Variants in BMP8B observed in about 807,000 individuals in gnomAD.
BMP8B encodes the protein bone morphogenetic protein 8b, also known as bone morphogenetic protein 8 (osteogenic protein 2).
A neutral mutation model predicts 30.3 loss-of-function variants in BMP8B; 17 were observed. That is an observed-to-expected ratio of 0.56 (90% CI 0.38 to 0.84). The LOEUF is 0.84. BMP8B is among the 40% of genes least tolerant of loss of function. BMP8B has a pLI of 0.00. For synonymous variants in BMP8B, 131 were observed against 214.7 expected, an observed-to-expected ratio of 0.61 and a Z score of 3.41; for missense variants, 253 against 494.6, an observed-to-expected ratio of 0.51 and a Z score of 4.63.
At chr1:39,770,497 A>T in intron 3 of BMP8B, 3 of 1,610,240 alleles carry the variant, frequency 1.9e-6, no homozygotes, top group Non-Finnish European at 2.5e-6. Context: ...CTGGGGGGAA[A>T]GCCCCCACCT....
intron 6 of BMP8B, chr1:39,762,622 T>C: frequency 6.5e-7 from 1 of 1,548,078 alleles, no homozygotes; most frequent in Non-Finnish European, 8.7e-7. Context: ...CCACACCATC[T>C]AGAAGCTTCC....
intron 3 of BMP8B, chr1:39,771,266 G>A: frequency 6.6e-7 from 1 of 1,511,124 alleles, no homozygotes; most frequent in South Asian, 1.3e-5. Context: ...AGTCGGCCCG[G>A]GTCGGAGGCC....
In BMP8B at chr1:39,776,624, C is replaced by T. The variant is rs11806256; in HGVS notation, c.335-1586G>A. Reference sequence around the variant, plus strand: ...ACGTGTGTGGGCAGGAGGAGGTGGCCGCTCATCCCAGCCCAGGGCGGAGAA... The same window carrying T: ...ACGTGTGTGGGCAGGAGGAGGTGGCTGCTCATCCCAGCCCAGGGCGGAGAA... On this transcript the variant is annotated intron_variant, in intron 1 of 6. Coordinates refer to ENST00000372827, the MANE Select transcript of BMP8B (RefSeq NM_001720.5). 2.1e-3 allele frequency among the ~76,000 whole-genome samples: 315 copies of T among 152,280 alleles called. 1 individual carries two copies. Among genetic ancestry groups the T allele is most frequent in the African/African-American group, 7.1e-3 (296 of 41,542 alleles).
intron 1 of BMP8B, among the ~76,000 whole-genome samples, chr1:39,787,717 A>G (rs1184118378): frequency 1.3e-5 from 2 of 152,118 alleles, no homozygotes; most frequent in Non-Finnish European, 2.9e-5. Context: ...CACGCGACTC[A>G]GCTCTGGTCA....
chr1:39,778,994 G>A (rs1650431039), intron 1 of BMP8B, among the ~76,000 whole-genome samples: 2 of 152,204 alleles, frequency 1.3e-5, no homozygotes, highest in Non-Finnish European at 2.9e-5. Flanking sequence ...CTGAGGCCAA[G>A]GAGGGACAGA....
chr1:39,763,156 C>T lies in BMP8B; in HGVS notation c.995G>A (p.Gly332Glu). The change falls in exon 6 of 7, where the codon GGG (glycine) becomes GAG (glutamate). Residue 332 changes from glycine (G) to glutamate (E), a missense_variant. Physicochemically the swap from Gly to Glu is moderately conservative, Grantham distance 98. Transcript: ENST00000372827. ...GGAGTCCAGTGGGAAGGAGCACTCC[C>T]CCTCACAGTAATAGGCCGAGTAGCC... ...PQGYSAYYCEGECSFPLDSCM... is the reference protein window; with the variant it reads ...PQGYSAYYCEEECSFPLDSCM... 1.2e-6 allele frequency: 2 copies of T among 1,614,046 alleles called. No homozygotes were observed. The highest frequency in any genetic ancestry group is 1.7e-6 in the Non-Finnish European group (2 of 1,179,990).
At chr1:39,783,424 G>C (rs546402771) in intron 1 of BMP8B, among the ~76,000 whole-genome samples, 101 of 152,290 alleles carry the variant, frequency 6.6e-4, no homozygotes, top group African/African-American at 2.4e-3. Flanking sequence ...TGGAAAGGGT[G>C]CACCATTCTG....
chr1:39,760,563 GTGCACC>G lies in BMP8B; in HGVS notation c.1060-1_1064del, dbSNP rs1557467308. On this transcript the variant is annotated splice_acceptor_variant and coding_sequence_variant, in exon 7 of 7. Coordinates refer to ENST00000372827, the MANE Select transcript of BMP8B (RefSeq NM_001720.5). LOFTEE classifies it high-confidence loss of function. The stretch of plus-strand genomic sequence containing the variant: ...TGGGGACTGCGTCTGGCATCATCAG[GTGCACC>G]TGGCCAGGAAGAGGGCACAGGCAGG... 6.2e-7 allele frequency: 1 copy of G among 1,613,636 alleles called. No homozygotes were observed. The highest frequency in any genetic ancestry group is 1.3e-5 in the African/African-American group (1 of 75,042).
chr1:39,784,178 A>G (rs950576431), intron 1 of BMP8B, among the ~76,000 whole-genome samples: 4 of 152,298 alleles, frequency 2.6e-5, no homozygotes, highest in Admixed American at 6.5e-5. Flanking sequence ...TGAGATACCA[A>G]TGAAGGAAGA....
chr1:39,787,849 C>A, intron 1 of BMP8B, among the ~76,000 whole-genome samples: 1 of 150,974 alleles, frequency 6.6e-6, no homozygotes, highest in Non-Finnish European at 1.5e-5. Context: ...AGGCTGTCTT[C>A]CCGGGGCAGC....
At chr1:39,786,412 G>A (rs1650982338) in intron 1 of BMP8B, among the ~76,000 whole-genome samples, 1 of 152,178 alleles carries the variant, frequency 6.6e-6, no homozygotes, top group African/African-American at 2.4e-5. Flanking sequence ...CAACAACCCT[G>A]AGGACAGATC....
rs1219604476 is a variant in BMP8B, at chr1:39,757,670, C to G, written c.*2749G>C. On this transcript the variant is annotated 3_prime_UTR_variant, in exon 7 of 7. Coordinates refer to ENST00000372827, the MANE Select transcript of BMP8B (RefSeq NM_001720.5). ...CAACCACCACCATCATCCTTCCAAC[C>G]CTCATCTGGTGCAACGAGATAAACA... 6.6e-6 allele frequency: 1 copy of G among 152,222 alleles called. No individual in the cohort carries two copies. Among genetic ancestry groups the G allele is most frequent in the African/African-American group, 2.4e-5 (1 of 41,438 alleles). The allele number at this position is 152,222 out of a possible 1,614,324, so 9.4% of individuals were successfully genotyped here.
At chr1:39,760,589 G>C in intron 6 of BMP8B, 21 bp from the exon 7 acceptor site, 1 of 1,611,298 alleles carries the variant, frequency 6.2e-7, no homozygotes, top group South Asian at 1.1e-5. Context: ...AGAGGGCACA[G>C]GCAGGGGCAT....
chr1:39,781,859 T>A (rs1188466365), intron 1 of BMP8B, among the ~76,000 whole-genome samples: 1 of 152,080 alleles, frequency 6.6e-6, no homozygotes, highest in Non-Finnish European at 1.5e-5. Context: ...GCCCAGTCAA[T>A]CAATACCTAG....
intron 3 of BMP8B, chr1:39,771,407 A>C: frequency 2.5e-6 from 2 of 813,070 alleles, no homozygotes; most frequent in South Asian, 5.4e-5. Context: ...TAGGCCCGCG[A>C]CCCGCAACAG....
At chr1:39,771,167 C>A in intron 3 of BMP8B, 2 of 1,550,982 alleles carry the variant, frequency 1.3e-6, no homozygotes, top group Non-Finnish European at 1.8e-6. Context: ...GGCAAAGCAG[C>A]GGGCGCAGCC....
At chr1:39,778,403 A>G (rs1435848966) in intron 1 of BMP8B, among the ~76,000 whole-genome samples, 2 of 151,328 alleles carry the variant, frequency 1.3e-5, no homozygotes, top group East Asian at 3.9e-4. Context: ...GGGCAGGGGC[A>G]CTTCAGACCC....
At position 39,770,500 on chromosome 1, in the gene BMP8B, C is replaced by A. The variant is rs769932771; in HGVS notation, c.673+3808G>T. ...CGTGGATGTCTTCTGGGGGGAAAGCCCCCACCTCCACGATCTCTTCCACCT... is the reference window on the plus strand; with the variant it reads ...CGTGGATGTCTTCTGGGGGGAAAGCACCCACCTCCACGATCTCTTCCACCT... On this transcript the variant is annotated intron_variant, in intron 3 of 6. Transcript: ENST00000372827. 7 of 1,610,290 alleles carry A rather than the reference C, an allele frequency of 4.3e-6. No individual in the cohort carries two copies. In the South Asian group the frequency reaches 7.7e-5, roughly 18 times the overall value.
intron 3 of BMP8B, among the ~76,000 whole-genome samples, chr1:39,768,754 G>C (rs1034030131): frequency 6.7e-6 from 1 of 150,048 alleles, no homozygotes; most frequent in African/African-American, 2.5e-5. Flanking sequence ...CCAGCTACTT[G>C]AGAGGCTGAG....
Sources: allele counts gnomAD v4.1 joint callset (sites outside exome capture counted in the v4.1 genomes callset), GRCh38; gene constraint gnomAD v4.1.1; transcripts MANE v1.5; gene names NCBI Gene and HGNC (gene_info 2026-07-23, HGNC 2026-07-21).